Variants in TEAD1 observed in about 807,000 individuals in gnomAD.
TEAD1 encodes the protein TEA domain transcription factor 1.
A neutral mutation model predicts 54.9 loss-of-function variants in TEAD1; 9 were observed. The ratio of observed to expected loss-of-function variants is 0.16; its 90% CI spans 0.10 to 0.29. TEAD1 has a LOEUF of 0.29. Among genes scored for constraint, TEAD1 ranks in the 10% least tolerant of loss-of-function variants. The pLI, the probability that TEAD1 is intolerant of heterozygous loss-of-function variation, is 1.00. For synonymous variants in TEAD1, 200 were observed against 187.8 expected (o/e 1.07, Z -0.53); for missense variants, 387 against 535.9 (o/e 0.72, Z 2.74).
chr11:12,708,861 C>T (rs552213383), intron 2 of TEAD1, among the ~76,000 whole-genome samples: 1 of 152,194 alleles, frequency 6.6e-6, no homozygotes, highest in East Asian at 1.9e-4. Context: ...TAGTGTGATC[C>T]TATTTTCAAT....
chr11:12,858,878 C>G (rs1294092906), intron 3 of TEAD1, among the ~76,000 whole-genome samples: 2 of 152,190 alleles, frequency 1.3e-5, no homozygotes, highest in Non-Finnish European at 2.9e-5. Flanking sequence ...TGTACTTACA[C>G]AAACCTAGAT....
chr11:12,733,998 C>T (rs1944474863), intron 2 of TEAD1, among the ~76,000 whole-genome samples: 1 of 152,264 alleles, frequency 6.6e-6, no homozygotes, highest in Admixed American at 6.5e-5. Flanking sequence ...TAGCTTATTG[C>T]AGCCTTGAAC....
intron 2 of TEAD1, among the ~76,000 whole-genome samples, chr11:12,748,755 G>A (rs1042554130): frequency 6.6e-6 from 1 of 151,904 alleles, no homozygotes; most frequent in Non-Finnish European, 1.5e-5. Flanking sequence ...GTGGGGAGGC[G>A]GGGGACAGCT....
At chr11:12,925,488 T>G (rs1371762) in intron 11 of TEAD1, among the ~76,000 whole-genome samples, 120,521 of 152,138 alleles carry the variant, frequency 0.79, 47,912 homozygotes, top group East Asian at 0.97. Flanking sequence ...ACGATTCGAG[T>G]TGAGATTTGG....
At chr11:12,855,435 A>G (rs924738902) in intron 3 of TEAD1, among the ~76,000 whole-genome samples, 1 of 151,892 alleles carries the variant, frequency 6.6e-6, no homozygotes, top group Non-Finnish European at 1.5e-5. Flanking sequence ...GATTACAGGC[A>G]TGTGCCACCA....
chr11:12,676,710 G>A (rs1356777734), intron 2 of TEAD1, among the ~76,000 whole-genome samples: 1 of 152,116 alleles, frequency 6.6e-6, no homozygotes, highest in Non-Finnish European at 1.5e-5. Flanking sequence ...AATTTTTGGG[G>A]AAAGGCTTAT....
chr11:12,708,649 A>G (rs1024875686), intron 2 of TEAD1, among the ~76,000 whole-genome samples: 1 of 152,168 alleles, frequency 6.6e-6, no homozygotes, highest in Non-Finnish European at 1.5e-5. Flanking sequence ...ACAAGTATAC[A>G]CAAAAGGGTG....
At chr11:12,792,665 G>T (rs1457391551) in intron 3 of TEAD1, among the ~76,000 whole-genome samples, 2 of 151,738 alleles carry the variant, frequency 1.3e-5, no homozygotes, top group African/African-American at 4.9e-5. Context: ...CAAAATAAGG[G>T]CAGTTATACT....
At position 12,692,592 on chromosome 11, in the gene TEAD1, T is replaced by TC. The variant is rs910434013; in HGVS notation, c.-55+17038dup. 1.2e-4 allele frequency among the ~76,000 whole-genome samples: 19 copies of TC among 152,184 alleles called. No homozygotes were observed. The South Asian group carries it at 1.9e-3, about 15-fold the overall frequency. ...AAGTACAGTATTGTAGGGGTTTATT[T>TC]CCCCCCCGCCCCCGCTTTCCTCCGT... On this transcript the variant is annotated intron_variant, in intron 2 of 12. Transcript: ENST00000527636.
chr11:12,890,693 C>CA (rs1320846134), intron 9 of TEAD1, among the ~76,000 whole-genome samples: 2 of 152,208 alleles, frequency 1.3e-5, no homozygotes, highest in Admixed American at 1.3e-4. Context: ...GAGCTCTGGA[C>CA]AGGGATCAAG....
At chr11:12,719,962 T>G (rs1335820087) in intron 2 of TEAD1, among the ~76,000 whole-genome samples, 5 of 41,552 alleles carry the variant, frequency 1.2e-4, no homozygotes, top group East Asian at 6.2e-4. Flanking sequence ...TTTTTTTTTT[T>G]TTTTTTTTTT....
At chr11:12,910,009 G>A (rs1948589321) in intron 10 of TEAD1, among the ~76,000 whole-genome samples, 1 of 152,114 alleles carries the variant, frequency 6.6e-6, no homozygotes, top group Non-Finnish European at 1.5e-5. Context: ...AAAGAGGGAT[G>A]TCCACCCACA....
At chr11:12,891,448 A>G (rs1432005129) in intron 9 of TEAD1, among the ~76,000 whole-genome samples, 1 of 152,184 alleles carries the variant, frequency 6.6e-6, no homozygotes, top group Non-Finnish European at 1.5e-5. Context: ...GAGGGGAGAG[A>G]TGTTATGGAG....
At chr11:12,895,463 A>G (rs1217362731) in intron 9 of TEAD1, among the ~76,000 whole-genome samples, 1 of 152,190 alleles carries the variant, frequency 6.6e-6, no homozygotes, top group Non-Finnish European at 1.5e-5. Flanking sequence ...CAAGCGTCCC[A>G]GCTCCTGTCC....
At chr11:12,829,251 C>A (rs181021766) in intron 3 of TEAD1, among the ~76,000 whole-genome samples, 1 of 152,242 alleles carries the variant, frequency 6.6e-6, no homozygotes, top group East Asian at 1.9e-4. Flanking sequence ...CAGAGCTTTC[C>A]GTGGTGGCTG....
intron 9 of TEAD1, among the ~76,000 whole-genome samples, chr11:12,890,883 G>A (rs1948185170): frequency 6.6e-6 from 1 of 152,140 alleles, no homozygotes; most frequent in Non-Finnish European, 1.5e-5. Context: ...CCCTGCCTCA[G>A]CCTCCCACAT....
intron 10 of TEAD1, 76 bp from the exon 11 acceptor site, chr11:12,924,836 A>T (rs1265941179): frequency 1.1e-5 from 17 of 1,572,892 alleles, no homozygotes; most frequent in Non-Finnish European, 1.5e-5. Flanking sequence ...CAGAGGTCTT[A>T]CCCTGAAAGT....
chr11:12,885,664 T>C (rs971007692), intron 9 of TEAD1, among the ~76,000 whole-genome samples: 2 of 152,202 alleles, frequency 1.3e-5, no homozygotes, highest in African/African-American at 4.8e-5. Flanking sequence ...GCTTCCCTGG[T>C]TAAAATACTA....
rs114251018 is a variant in TEAD1 at position 12,702,320 on chromosome 11, A to G, written c.-55+26759A>G. ...GTGTTACTATCTGAGAACATCGTGG[A>G]CAACGTTAAGTGGAGTTTGTCTCTC... On this transcript the variant is annotated intron_variant, in intron 2 of 12. Transcript: ENST00000527636. Among the ~76,000 whole-genome samples the G allele has an allele frequency of 9.6e-3, 1,458 of 152,246 alleles. 23 individuals carry two copies. The highest frequency in any genetic ancestry group is 0.033 in the African/African-American group (1,352 of 41,534).
Sources: gnomAD v4.1 joint callset for allele counts (sites outside exome capture counted in the v4.1 genomes callset) on GRCh38, gnomAD v4.1.1 for gene constraint, MANE v1.5 for transcripts, NCBI Gene and HGNC (gene_info 2026-07-23, HGNC 2026-07-21) for gene names.